The following ZNF618 variants were observed in gnomAD, a reference collection of about 807,000 sequenced individuals.
ZNF618 encodes neural precursor cell expressed, developmentally down-regulated 10.
A neutral mutation model predicts 103.0 loss-of-function variants in ZNF618; 34 were observed. That is an observed-to-expected ratio of 0.33 (90% CI 0.25 to 0.44). ZNF618 has a LOEUF of 0.44. Among genes scored for constraint, ZNF618 ranks in the 20% least tolerant of loss-of-function variants. The probability of loss-of-function intolerance (pLI) is 1.00; values close to 1 mark genes in which losing one functional copy is unlikely to be tolerated. For missense variants in ZNF618, 1,059 were observed against 1,295.4 expected (o/e 0.82, Z 2.80); for synonymous variants, 551 against 542.2 (o/e 1.02, Z -0.23).
chr9:113,971,700 C>T (rs972572112), intron 2 of ZNF618, among the ~76,000 whole-genome samples: 4 of 152,174 alleles, frequency 2.6e-5, no homozygotes, highest in Admixed American at 1.3e-4. Flanking sequence ...GGTTTTCCCA[C>T]GGTGGCTGCC....
rs922931663 is a variant in ZNF618 at position 114,055,799 on chromosome 9, A to G, written c.*5632A>G. The G allele has an allele frequency of 6.6e-6, 1 of 152,408 alleles. No homozygotes were observed. Among genetic ancestry groups the G allele is most frequent in the African/African-American group, 2.4e-5 (1 of 41,400 alleles). The allele number at this position is 152,408 out of a possible 1,614,324, so 9.4% of individuals were successfully genotyped here. ...CAGAGTTTTCTACAGGTATTAATGA[A>G]TATTTTTCTTAATCCTTATAAGTTT... On this transcript the variant is annotated 3_prime_UTR_variant, in exon 15 of 15. Coordinates refer to ENST00000374126, the MANE Select transcript of ZNF618 (RefSeq NM_001318042.2).
Position 114,048,999 on chromosome 9 carries a change from T to C in ZNF618, c.1697T>C (p.Leu566Pro). ...GTTGGCCCTGACTCCTGCTACATCC[T>C]CACAGCCTACCAGGCCGAGGGCAAC... ...QSVGPDSCYI[L>P]TAYQAEGNHI... The change falls in exon 15 of 15, where the codon CTC becomes CCC. Residue 566 changes from leucine (L) to proline (P), a missense_variant. By Grantham distance (98) the Leu-to-Pro change is moderately conservative. Transcript: ENST00000374126. 6.2e-7 allele frequency: 1 copy of C among 1,613,338 alleles called. No individual in the cohort carries two copies.
intron 1 of ZNF618, among the ~76,000 whole-genome samples, chr9:113,964,279 A>T (rs903758680): frequency 6.6e-6 from 1 of 152,334 alleles, no homozygotes; most frequent in East Asian, 1.9e-4. Context: ...CTTCGAGATC[A>T]GGCAGCCAGG....
chr9:114,025,508 G>C (rs759134540), intron 10 of ZNF618, among the ~76,000 whole-genome samples: 2 of 151,744 alleles, frequency 1.3e-5, no homozygotes, highest in Non-Finnish European at 2.9e-5. Context: ...TCCTACAGGG[G>C]AAGTCAGCCA....
At chr9:113,883,615 A>C (rs1391918928) in intron 1 of ZNF618, among the ~76,000 whole-genome samples, 7 of 152,150 alleles carry the variant, frequency 4.6e-5, no homozygotes, top group Non-Finnish European at 1.5e-5. Context: ...TTTATGGGAG[A>C]AAACAGAACC....
intron 1 of ZNF618, among the ~76,000 whole-genome samples, chr9:113,914,646 A>G (rs2131519561): frequency 6.6e-6 from 1 of 152,338 alleles, no homozygotes; most frequent in East Asian, 1.9e-4. Context: ...AGCCTTTTGA[A>G]TGCTCCCATT....
Position 113,935,280 on chromosome 9 carries a change from A to C in ZNF618, c.34-33837A>C, listed in dbSNP as rs182294610. Among the ~76,000 whole-genome samples the C allele has an allele frequency of 2.0e-5, 3 of 152,274 alleles. No homozygotes were observed. The East Asian group carries it at 5.8e-4, about 29-fold the overall frequency. On this transcript the variant is annotated intron_variant, in intron 1 of 14. Coordinates refer to ENST00000374126, the MANE Select transcript of ZNF618 (RefSeq NM_001318042.2). ...GCAGATGGACATTGCCCCCCACTTTACATCATGGCCAGCTGCAGCGGGTTC... is the reference window on the plus strand; with the variant it reads ...GCAGATGGACATTGCCCCCCACTTTCCATCATGGCCAGCTGCAGCGGGTTC...
At chr9:113,958,907 G>A (rs2132516261) in intron 1 of ZNF618, among the ~76,000 whole-genome samples, 1 of 152,346 alleles carries the variant, frequency 6.6e-6, no homozygotes, top group Non-Finnish European at 1.5e-5. Context: ...TGCCCTGCCT[G>A]GAGCCCCTGA....
chr9:113,900,611 C>CCGTCTCCTA (rs1225617417), intron 1 of ZNF618, among the ~76,000 whole-genome samples: 1 of 148,274 alleles, frequency 6.7e-6, no homozygotes, highest in Non-Finnish European at 1.5e-5. Context: ...ACCCGAGCTC[C>CCGTCTCCTA]CGTCTCCTAG....
At position 114,048,687 on chromosome 9, in the gene ZNF618, C is replaced by T; in HGVS notation, c.1385C>T (p.Pro462Leu). ...TSGLTPNSMI[P>L]EKERQNIAER... ...GGTTTAACACCCAACAGCATGATCC[C>T]CGAAAAGGAGCGGCAGAACATCGCA... is the stretch of plus-strand genomic sequence containing the variant. Residue 462 changes from proline to leucine, a missense_variant, in exon 15 of 15, where the codon CCC (proline) becomes CTC (leucine). Coordinates refer to ENST00000374126, the MANE Select transcript of ZNF618 (RefSeq NM_001318042.2). The T allele has an allele frequency of 6.2e-7, 1 of 1,613,770 alleles. No homozygotes were observed. The highest frequency in any genetic ancestry group is 8.5e-7 in the Non-Finnish European group (1 of 1,179,726).
chr9:113,981,326 T>C (rs1186467341), intron 2 of ZNF618, among the ~76,000 whole-genome samples: 1 of 152,178 alleles, frequency 6.6e-6, no homozygotes, highest in Non-Finnish European at 1.5e-5. Flanking sequence ...GACGTAGATG[T>C]ACGCCTTGCT....
At chr9:114,033,681 G>A (rs1164647920) in intron 12 of ZNF618, among the ~76,000 whole-genome samples, 4 of 152,190 alleles carry the variant, frequency 2.6e-5, no homozygotes, top group East Asian at 3.9e-4. Context: ...CTCTGTCCGA[G>A]CAGGGCACAG....
At chr9:114,039,340 G>GTT (rs968810244) in intron 13 of ZNF618, among the ~76,000 whole-genome samples, 48 of 104,696 alleles carry the variant, frequency 4.6e-4, no homozygotes, top group South Asian at 1.2e-3. Context: ...TTTCTTGTTT[G>GTT]TTTTTTTTTT....
chr9:113,904,059 T>A (rs1830773941), intron 1 of ZNF618, among the ~76,000 whole-genome samples: 1 of 151,782 alleles, frequency 6.6e-6, no homozygotes, highest in Admixed American at 6.6e-5. Flanking sequence ...TTAAGCCTTT[T>A]GAATCTGTCC....
At chr9:114,040,386 C>A (rs1845044762) in intron 13 of ZNF618, among the ~76,000 whole-genome samples, 1 of 151,170 alleles carries the variant, frequency 6.6e-6, no homozygotes, top group African/African-American at 2.4e-5. Context: ...ACGTGCACAA[C>A]ATGCAGGTTT....
rs1295233861 is a variant in ZNF618, at chr9:114,048,673, C to A, written c.1371C>A (p.Pro457=). The stretch of plus-strand genomic sequence containing the variant: ...CAGCCACTACCAGTGGTTTAACACC[C>A]AACAGCATGATCCCCGAAAAGGAGC... The part of the protein sequence containing the change: ...ANNTTTSGLT[P]NSMIPEKERQ... The change falls in exon 15 of 15, where the codon CCC becomes CCA. Residue 457 remains proline (P), a synonymous_variant. Coordinates refer to ENST00000374126, the MANE Select transcript of ZNF618 (RefSeq NM_001318042.2). 6.2e-7 allele frequency: 1 copy of A among 1,613,146 alleles called. No homozygotes were observed. Among genetic ancestry groups the A allele is most frequent in the Non-Finnish European group, 8.5e-7 (1 of 1,179,374 alleles).
intron 1 of ZNF618, among the ~76,000 whole-genome samples, chr9:113,965,316 G>A (rs1219128225): frequency 6.6e-6 from 1 of 152,042 alleles, no homozygotes; most frequent in Non-Finnish European, 1.5e-5. Flanking sequence ...TCTGGGTTTG[G>A]AATAATATTT....
chr9:113,885,966 G>C (rs1420379988), intron 1 of ZNF618, among the ~76,000 whole-genome samples: 2 of 152,166 alleles, frequency 1.3e-5, no homozygotes, highest in Non-Finnish European at 2.9e-5. Flanking sequence ...GTCTGCTATA[G>C]AAAACACAGG....
At position 114,050,206 on chromosome 9, in the gene ZNF618, T is replaced by C; in HGVS notation, c.*39T>C. 6.6e-7 allele frequency: 1 copy of C among 1,507,088 alleles called. No individual in the cohort carries two copies. The highest frequency in any genetic ancestry group is 8.8e-7 in the Non-Finnish European group (1 of 1,136,388). 93.4% of individuals were successfully genotyped at this position (1,507,088 alleles called of 1,614,324 possible). A position where few individuals can be genotyped will look rare whatever the true frequency, so the allele number is the denominator to read the frequency against. On this transcript the variant is annotated 3_prime_UTR_variant, in exon 15 of 15. Transcript: ENST00000374126. ...GGGAAAAAAAAAGAAAAAGAGAAGA[T>C]AACATTAGAAAAAAACCACACAACA...
Sources: allele counts gnomAD v4.1 joint callset (sites outside exome capture counted in the v4.1 genomes callset), GRCh38; gene constraint gnomAD v4.1.1; transcripts MANE v1.5; gene names NCBI Gene and HGNC (gene_info 2026-07-23, HGNC 2026-07-21).